Variants in RPS6KA5 observed in about 807,000 individuals in gnomAD.
RPS6KA5 encodes ribosomal protein S6 kinase alpha-5.
RPS6KA5 carries 27 observed loss-of-function variants against 85.5 expected under a neutral mutation model. That is an observed-to-expected ratio of 0.32 (90% CI 0.23 to 0.44). The LOEUF is 0.44. RPS6KA5 is among the 20% of genes least tolerant of loss of function. The pLI, the probability that RPS6KA5 is intolerant of heterozygous loss-of-function variation, is 1.00. For synonymous variants in RPS6KA5, 334 were observed against 348.2 expected (o/e 0.96, Z 0.46); for missense variants, 811 against 980.9 (o/e 0.83, Z 2.31).
At chr14:90,984,960 G>A (rs906729066) in intron 2 of RPS6KA5, among the ~76,000 whole-genome samples, 1 of 147,638 alleles carries the variant, frequency 6.8e-6, no homozygotes, top group African/African-American at 2.5e-5. Flanking sequence ...TTTTTTTTGA[G>A]ACGGAGTTTT....
chr14:90,911,946 A>C (rs1193283699), intron 7 of RPS6KA5, among the ~76,000 whole-genome samples: 1 of 152,140 alleles, frequency 6.6e-6, no homozygotes, highest in Non-Finnish European at 1.5e-5. Context: ...CAGAGTGGCA[A>C]GGAGGCAATG....
intron 8 of RPS6KA5, among the ~76,000 whole-genome samples, chr14:90,904,008 G>A (rs1363466175): frequency 4.6e-5 from 7 of 151,156 alleles, no homozygotes; most frequent in Admixed American, 2.6e-4. Context: ...GGGCAGTGGC[G>A]CGATCTCGGC....
intron 5 of RPS6KA5, among the ~76,000 whole-genome samples, chr14:90,927,854 A>C (rs1298969012): frequency 6.6e-6 from 1 of 152,122 alleles, no homozygotes; most frequent in East Asian, 1.9e-4. Flanking sequence ...ATGAAAATAT[A>C]CAAAATCCTG....
intron 1 of RPS6KA5, among the ~76,000 whole-genome samples, chr14:91,026,737 T>A (rs181185152): frequency 4.3e-4 from 66 of 152,368 alleles, no homozygotes; most frequent in African/African-American, 1.4e-3. Flanking sequence ...CTAATTTACA[T>A]TCTCATCAAT....
chr14:90,871,985 G>A lies in RPS6KA5; in HGVS notation c.*89C>T. ...GAGGCAGATTCCAATGAGACCAACG[G>A]GAAACATTTTTAAAAGCATAAAAGA... On this transcript the variant is annotated 3_prime_UTR_variant, in exon 17 of 17. Coordinates refer to ENST00000614987, the MANE Select transcript of RPS6KA5 (RefSeq NM_004755.4). The A allele has an allele frequency of 9.4e-6, 14 of 1,493,202 alleles. No homozygotes were observed. Among genetic ancestry groups the A allele is most frequent in the Non-Finnish European group, 1.3e-5 (14 of 1,114,624 alleles). 92.5% of individuals were successfully genotyped at this position (1,493,202 alleles called of 1,614,324 possible).
intron 1 of RPS6KA5, among the ~76,000 whole-genome samples, chr14:91,029,754 A>T (rs1327034238): frequency 6.6e-6 from 1 of 152,230 alleles, no homozygotes; most frequent in East Asian, 1.9e-4. Flanking sequence ...TAAGGATTAA[A>T]TAAGATAATA....
intron 2 of RPS6KA5, among the ~76,000 whole-genome samples, chr14:90,980,405 T>G (rs928273753): frequency 1.3e-5 from 2 of 152,214 alleles, no homozygotes; most frequent in Non-Finnish European, 2.9e-5. Context: ...AACCAGGAAT[T>G]CTTTCCACAA....
intron 1 of RPS6KA5, among the ~76,000 whole-genome samples, chr14:91,014,295 G>T (rs1258982467): frequency 6.6e-6 from 1 of 152,092 alleles, no homozygotes. Context: ...GAGGTCAAGA[G>T]GTCGAGACCA....
chr14:90,900,281 A>G, intron 10 of RPS6KA5, 40 bp from the exon 11 acceptor site: 2 of 1,449,634 alleles, frequency 1.4e-6, no homozygotes, highest in Non-Finnish European at 1.9e-6. Context: ...AGAAAATGTC[A>G]GTAATACACA....
intron 14 of RPS6KA5, among the ~76,000 whole-genome samples, chr14:90,882,396 G>A (rs188349180): frequency 1.5e-4 from 23 of 152,298 alleles, no homozygotes; most frequent in Non-Finnish European, 2.9e-4. Context: ...AAAACAAAAG[G>A]TGAAGTTATA....
intron 1 of RPS6KA5, among the ~76,000 whole-genome samples, chr14:91,030,623 A>G (rs1001189261): frequency 7.4e-6 from 1 of 136,044 alleles, no homozygotes; most frequent in African/African-American, 2.9e-5. Flanking sequence ...AAAAAAAAAA[A>G]AAAAAAAAAA....
At chr14:90,991,417 C>A (rs1304923133) in intron 2 of RPS6KA5, among the ~76,000 whole-genome samples, 1 of 151,924 alleles carries the variant, frequency 6.6e-6, no homozygotes. Flanking sequence ...AGTAAAGAGG[C>A]TGGGCTGGGC....
chr14:90,952,016 A>G (rs1266906827), intron 3 of RPS6KA5, among the ~76,000 whole-genome samples: 3 of 151,614 alleles, frequency 2.0e-5, no homozygotes, highest in South Asian at 2.1e-4. Flanking sequence ...TGGCATTATG[A>G]TAATTCTTCT....
In RPS6KA5 at chr14:90,894,719, AT is replaced by A. The variant is rs2034743071; in HGVS notation, c.1474-137del. On this transcript the variant is annotated intron_variant, in intron 12 of 16. Coordinates refer to ENST00000614987, the MANE Select transcript of RPS6KA5 (RefSeq NM_004755.4). Reference sequence around the variant, plus strand: ...TAAAATAATCAATGGCAATCCTCATATCTTAGAGAAAAGGGCTGAAAGATAA... The same window carrying A: ...TAAAATAATCAATGGCAATCCTCATACTTAGAGAAAAGGGCTGAAAGATAA... The A allele has an allele frequency of 3.7e-6, 4 of 1,075,856 alleles. No homozygotes were observed. In the East Asian group the frequency reaches 1.1e-4, roughly 28 times the overall value. 66.6% of individuals were successfully genotyped at this position (1,075,856 alleles called of 1,614,324 possible).
chr14:90,879,846 G>A (rs1269325565), intron 14 of RPS6KA5, among the ~76,000 whole-genome samples: 5 of 145,022 alleles, frequency 3.4e-5, no homozygotes, highest in Admixed American at 2.1e-4. Context: ...GCAGTGGCAC[G>A]ATCTTCGGCT....
intron 5 of RPS6KA5, among the ~76,000 whole-genome samples, chr14:90,942,107 GATAA>G (rs1251069560): frequency 7.9e-5 from 12 of 152,152 alleles, no homozygotes; most frequent in African/African-American, 2.4e-4. Flanking sequence ...TAGTAGAGGG[GATAA>G]ATAAATATTT....
At chr14:90,907,726 ACCCT>A (rs1208040404) in intron 7 of RPS6KA5, among the ~76,000 whole-genome samples, 2 of 152,124 alleles carry the variant, frequency 1.3e-5, no homozygotes, top group East Asian at 3.9e-4. Flanking sequence ...AATAAGCAAC[ACCCT>A]CTCTGCTTTT....
intron 1 of RPS6KA5, among the ~76,000 whole-genome samples, chr14:91,027,875 T>C (rs1376175784): frequency 6.6e-6 from 1 of 152,196 alleles, no homozygotes; most frequent in Admixed American, 6.5e-5. Context: ...TAACCACAAA[T>C]GGGCCTATCT....
At chr14:90,959,608 G>A (rs1252260002) in intron 3 of RPS6KA5, among the ~76,000 whole-genome samples, 2 of 152,152 alleles carry the variant, frequency 1.3e-5, no homozygotes, top group Admixed American at 6.5e-5. Flanking sequence ...TGGATATGAA[G>A]AATGAAGAGT....
Sources: allele counts gnomAD v4.1 joint callset (sites outside exome capture counted in the v4.1 genomes callset), GRCh38; gene constraint gnomAD v4.1.1; transcripts MANE v1.5; gene names NCBI Gene and HGNC (gene_info 2026-07-23, HGNC 2026-07-21).